WDR33: variants seen among roughly 807,000 people sequenced by gnomAD.
WDR33 encodes the protein WD repeat domain 33, also known as pre-mRNA 3' end processing protein WDR33.
In WDR33, 47 loss-of-function variants were observed where a neutral mutation model predicts 164.9. That is an observed-to-expected ratio of 0.29 (90% confidence interval 0.23 to 0.36). The LOEUF is 0.36. Among genes scored for constraint, WDR33 ranks in the 10% least tolerant of loss-of-function variants. The pLI is 1.00. For synonymous variants in WDR33, 505 were observed against 589.0 expected (o/e 0.86, Z 2.06); for missense variants, 1,137 against 1,754.1 (o/e 0.65, Z 6.28).
rs1169656407 is a variant in WDR33 at position 127,721,562 on chromosome 2, G to A, written c.1671+274C>T. 9.2e-5 allele frequency among the ~76,000 whole-genome samples: 14 copies of A among 152,172 alleles called. No homozygotes were observed. The highest frequency in any genetic ancestry group is 8.5e-4 in the Admixed American group (13 of 15,284). ...TGGGAGGCAGAGGTTGTAGCAAGCC[G>A]TGATCGCACCACTGCATTCCAGCCT... On this transcript the variant is annotated intron_variant, in intron 15 of 21. Transcript: ENST00000322313. The surrounding 1 kb of genome is among the most constrained non-coding windows in gnomAD (Gnocchi z 4.9).
At chr2:127,775,865 C>T (rs1452025851) in intron 1 of WDR33, among the ~76,000 whole-genome samples, 1 of 149,766 alleles carries the variant, frequency 6.7e-6, no homozygotes, top group Non-Finnish European at 1.5e-5. Context: ...ATGAAGAAAA[C>T]GAGAAAAAAA....
At position 127,806,193 on chromosome 2, in the gene WDR33, T is replaced by C. The variant is rs148482249; in HGVS notation, c.-24+4819A>G. ...TGCTTACAGTGGCTCATCATCTCTT[T>C]AGTTGTTTTTCTTTTTCTTTTTTTT... is the stretch of plus-strand genomic sequence containing the variant. On this transcript the variant is annotated intron_variant, in intron 1 of 21. Coordinates refer to ENST00000322313, the MANE Select transcript of WDR33 (RefSeq NM_018383.5). Among the ~76,000 whole-genome samples, 31 of 150,664 alleles carry C rather than the reference T, an allele frequency of 2.1e-4. No homozygotes were observed. The East Asian group carries it at 5.8e-3, about 28-fold the overall frequency.
rs1473618100 is a variant in WDR33 at position 127,701,355 on chromosome 2, G to C, written c.*4968C>G. 5 of 516,714 alleles carry C rather than the reference G, an allele frequency of 9.7e-6. No homozygotes were observed. In the East Asian group the frequency reaches 1.5e-4, roughly 15 times the overall value. The allele number at this position is 516,714 out of a possible 1,614,324, so 32.0% of individuals were successfully genotyped here. ...CGGACAGGCAGCACCTGCGACCACGGTACTTGGGGACACCACAAAAGTCCG... is the reference window on the plus strand; with the variant it reads ...CGGACAGGCAGCACCTGCGACCACGCTACTTGGGGACACCACAAAAGTCCG... On this transcript the variant is annotated 3_prime_UTR_variant, in exon 22 of 22. Coordinates refer to ENST00000322313, the MANE Select transcript of WDR33 (RefSeq NM_018383.5).
Position 127,720,005 on chromosome 2 carries a change from G to T in WDR33, c.2020C>A (p.Pro674Thr), listed in dbSNP as rs780187811. The change falls in exon 16 of 22, where the codon CCC becomes ACC. Residue 674 changes from proline (P) to threonine (T), a missense_variant. Pro to Thr is a conservative substitution (Grantham distance 38). Transcript: ENST00000322313. This position sits in a 1 kb window ranked among gnomAD's most constrained non-coding sequence, Gnocchi z 5.9. The stretch of plus-strand genomic sequence containing the variant: ...CCAGGATGCCTCTGCATTCCTTGGG[G>T]CCCATGCATGTCCTGAGGCCGTGGC... ...GLPRPQDMHG[P>T]QGMQRHPGPH... is the part of the protein sequence containing the mutation. 1 of 1,613,902 alleles carries T rather than the reference G, an allele frequency of 6.2e-7. No homozygotes were observed. Among genetic ancestry groups the T allele is most frequent in the South Asian group, 1.1e-5 (1 of 91,078 alleles).
chr2:127,702,902 A>G lies in WDR33; in HGVS notation c.*3421T>C, dbSNP rs13394108. ...GTCTCTTCGGAAATCCTGCAAATAGAAAGATAATTCTAGATCCGGAATACC... is the reference window on the plus strand; with the variant it reads ...GTCTCTTCGGAAATCCTGCAAATAGGAAGATAATTCTAGATCCGGAATACC... On this transcript the variant is annotated 3_prime_UTR_variant, in exon 22 of 22. Transcript: ENST00000322313. 6.4e-3 allele frequency: 1,070 copies of G among 166,670 alleles called. 10 individuals are homozygous for G. Among genetic ancestry groups the G allele is most frequent in the African/African-American group, 0.025 (1,019 of 41,536 alleles). 10.3% of individuals were successfully genotyped at this position (166,670 alleles called of 1,614,324 possible).
chr2:127,750,783 T>TAC (rs1364495682), intron 7 of WDR33, among the ~76,000 whole-genome samples: 1 of 131,766 alleles, frequency 7.6e-6, no homozygotes, highest in African/African-American at 3.1e-5. Context: ...CACATATATA[T>TAC]ACACACATAT....
intron 7 of WDR33, among the ~76,000 whole-genome samples, chr2:127,756,047 A>G (rs1289165359): frequency 6.6e-6 from 1 of 152,204 alleles, no homozygotes; most frequent in South Asian, 2.1e-4. Flanking sequence ...ATACCATAAA[A>G]AAGTGGCCAG....
rs771785606 is a variant in WDR33, at chr2:127,719,918, C to T, written c.2107G>A (p.Gly703Ser). ...GGTGGACCCTGAGGACCCATATGAC[C>T]TTGAGGACCAGAACTACCTTGTGGT... ...PGPQGSSGPQ[G>S]HMGPQGPPGP... is the part of the protein sequence containing the mutation. Residue 703 changes from glycine (G) to serine (S), a missense_variant, in exon 16 of 22, where the codon GGT (glycine) becomes AGT (serine). This residue lies in a region of WDR33 where 867 missense variants were observed against 1,073.0 expected (regional missense o/e 0.81). Coordinates refer to ENST00000322313, the MANE Select transcript of WDR33 (RefSeq NM_018383.5). The surrounding 1 kb of genome is among the most constrained non-coding windows in gnomAD (Gnocchi z 6.5). The T allele has an allele frequency of 2.5e-6, 4 of 1,613,956 alleles. No homozygotes were observed. Among genetic ancestry groups the T allele is most frequent in the Non-Finnish European group, 1.7e-6 (2 of 1,179,986 alleles).
intron 1 of WDR33, among the ~76,000 whole-genome samples, chr2:127,772,383 G>A (rs1277502440): frequency 6.6e-6 from 1 of 151,974 alleles, no homozygotes; most frequent in Non-Finnish European, 1.5e-5. Flanking sequence ...AGGTTGCAGT[G>A]GGCCAAAATC....
chr2:127,701,570 G>A lies in WDR33; in HGVS notation c.*4753C>T, dbSNP rs568783948. 4.2e-5 allele frequency: 58 copies of A among 1,365,846 alleles called. No homozygotes were observed. In the African/African-American group the frequency reaches 7.9e-4, roughly 19 times the overall value. 84.6% of individuals were successfully genotyped at this position (1,365,846 alleles called of 1,614,324 possible). On this transcript the variant is annotated 3_prime_UTR_variant, in exon 22 of 22. Transcript: ENST00000322313. ...GCCAGCTGCAGGAGTACCTGGCGCA[G>A]GGGAAAGCTGGCGGCCCGGCGGCCG...
rs543970692 is a variant in WDR33, at chr2:127,741,985, G to C, written c.725-15208C>G. On this transcript the variant is annotated intron_variant, in intron 7 of 21. Transcript: ENST00000322313. This position sits in a 1 kb window ranked among gnomAD's most constrained non-coding sequence, Gnocchi z 4.1. ...GGAGGCCGAGGCGGGTGGATCACCT[G>C]AAGTCAGGAGTTCAAGATCAGCCTG... Among the ~76,000 whole-genome samples, 197 of 152,124 alleles carry C rather than the reference G, an allele frequency of 1.3e-3. No individual in the cohort carries two copies. The highest frequency in any genetic ancestry group is 4.4e-3 in the African/African-American group (183 of 41,494).
At position 127,710,913 on chromosome 2, in the gene WDR33, A is replaced by G. The variant is rs1007921622; in HGVS notation, c.3309-1057T>C. 2.6e-5 allele frequency among the ~76,000 whole-genome samples: 4 copies of G among 152,110 alleles called. No homozygotes were observed. The highest frequency in any genetic ancestry group is 9.7e-5 in the African/African-American group (4 of 41,404). On this transcript the variant is annotated intron_variant, in intron 18 of 21. Transcript: ENST00000322313. The surrounding 1 kb of genome is among the most constrained non-coding windows in gnomAD (Gnocchi z 4.4). ...CCACCCAGATCAATCCCTTCTTAAT[A>G]TTTTGCCACACGTGCTTTATCTTCT... is the stretch of plus-strand genomic sequence containing the variant.
intron 7 of WDR33, chr2:127,762,697 A>C: frequency 5.9e-6 from 6 of 1,024,562 alleles, no homozygotes; most frequent in Non-Finnish European, 7.0e-6. Context: ...TTGTAAAAGG[A>C]CTGCCAGGAG....
intron 18 of WDR33, among the ~76,000 whole-genome samples, chr2:127,711,778 A>ATTTT (rs1375261650): frequency 1.1e-5 from 1 of 93,054 alleles, no homozygotes; most frequent in African/African-American, 5.9e-5. Flanking sequence ...ATATATATAT[A>ATTTT]TATTTTTTTT....
intron 5 of WDR33, 74 bp downstream of exon 5, chr2:127,765,100 G>A: frequency 6.4e-7 from 1 of 1,553,256 alleles, no homozygotes; most frequent in Non-Finnish European, 8.8e-7. Context: ...GTTTAACAAT[G>A]CCAATGAAAT....
At chr2:127,780,406 T>C (rs1176519825) in intron 1 of WDR33, among the ~76,000 whole-genome samples, 1 of 152,182 alleles carries the variant, frequency 6.6e-6, no homozygotes, top group Non-Finnish European at 1.5e-5. Context: ...GTCATTGAAC[T>C]TTGAGGGGAT....
At chr2:127,778,376 G>A (rs1000262978) in intron 1 of WDR33, among the ~76,000 whole-genome samples, 1 of 150,602 alleles carries the variant, frequency 6.6e-6, no homozygotes, top group Admixed American at 6.7e-5. Context: ...AGCAAAGACT[G>A]CAATGAGCCA....
chr2:127,795,949 T>G (rs1197654753), intron 1 of WDR33, among the ~76,000 whole-genome samples: 2 of 151,974 alleles, frequency 1.3e-5, no homozygotes, highest in Admixed American at 1.3e-4. Context: ...GATGGAATGT[T>G]AGTTCTTTAA....
At chr2:127,753,888 T>C (rs1687442642) in intron 7 of WDR33, among the ~76,000 whole-genome samples, 1 of 152,054 alleles carries the variant, frequency 6.6e-6, no homozygotes, top group African/African-American at 2.4e-5. Context: ...AAAAATAACT[T>C]AATGAAAGTA....
Sources: gnomAD v4.1 joint callset for allele counts (sites outside exome capture counted in the v4.1 genomes callset) on GRCh38, gnomAD v4.1.1 for gene constraint, gnomAD v4.1.1 regional missense constraint, Gnocchi (gnomAD v3.1) non-coding constraint, MANE v1.5 for transcripts, NCBI Gene and HGNC (gene_info 2026-07-23, HGNC 2026-07-21) for gene names.